The following HPSE2 variants were observed in gnomAD, a reference collection of about 807,000 sequenced individuals.
HPSE2 encodes heparanase 2 (inactive).
HPSE2 carries 38 observed loss-of-function variants against 60.5 expected under a neutral mutation model. The ratio of observed to expected loss-of-function variants is 0.63; its 90% CI spans 0.48 to 0.82. The LOEUF is 0.82. Among genes scored for constraint, HPSE2 ranks in the 40% least tolerant of loss-of-function variants. The pLI, the probability that HPSE2 is intolerant of heterozygous loss-of-function variation, is 0.00. For synonymous variants in HPSE2, 295 were observed against 293.2 expected (o/e 1.01, Z -0.06); for missense variants, 713 against 740.4 (o/e 0.96, Z 0.43).
At chr10:99,079,113 C>T (rs1843044699) in intron 3 of HPSE2, among the ~76,000 whole-genome samples, 1 of 152,100 alleles carries the variant, frequency 6.6e-6, no homozygotes, top group Non-Finnish European at 1.5e-5. Context: ...TGAGAGTGTG[C>T]TAGTTCAAAC....
chr10:98,609,839 C>CTTTTTTTT (rs34422929), intron 9 of HPSE2, among the ~76,000 whole-genome samples: 2 of 126,174 alleles, frequency 1.6e-5, no homozygotes, highest in Non-Finnish European at 3.3e-5. Flanking sequence ...TCTTCTTCTT[C>CTTTTTTTT]TTTTTTTTTT....
chr10:98,851,563 G>A (rs920603374), intron 3 of HPSE2, among the ~76,000 whole-genome samples: 6 of 152,094 alleles, frequency 3.9e-5, no homozygotes, highest in African/African-American at 1.4e-4. Context: ...CTTCTCTATA[G>A]TCCCTCCCTG....
intron 3 of HPSE2, among the ~76,000 whole-genome samples, chr10:99,042,411 G>A (rs1331619613): frequency 6.6e-6 from 1 of 152,018 alleles, no homozygotes; most frequent in Non-Finnish European, 1.5e-5. Flanking sequence ...CATTTCTCTG[G>A]GGTGGAGTTC....
intron 5 of HPSE2, among the ~76,000 whole-genome samples, chr10:98,696,812 T>C (rs1207999085): frequency 6.6e-6 from 1 of 152,096 alleles, no homozygotes; most frequent in Non-Finnish European, 1.5e-5. Context: ...CCGGCAGCCA[T>C]CTCTACAACT....
intron 3 of HPSE2, among the ~76,000 whole-genome samples, chr10:98,960,059 T>C (rs1955612066): frequency 6.6e-6 from 1 of 152,154 alleles, no homozygotes; most frequent in African/African-American, 2.4e-5. Context: ...CCATCAAACC[T>C]AAAATCTGGA....
intron 3 of HPSE2, among the ~76,000 whole-genome samples, chr10:99,112,597 C>A (rs372004423): frequency 6.6e-6 from 1 of 152,042 alleles, no homozygotes; most frequent in Non-Finnish European, 1.5e-5. Flanking sequence ...CCAAAAATGA[C>A]TATTTCAAAT....
At position 98,472,479 on chromosome 10, in the gene HPSE2, G is replaced by A. The variant is rs116051687; in HGVS notation, c.1613+10157C>T. Among the ~76,000 whole-genome samples the A allele has an allele frequency of 5.1e-3, 772 of 152,236 alleles. 6 individuals are homozygous for A. Among genetic ancestry groups the A allele is most frequent in the African/African-American group, 0.017 (721 of 41,530 alleles). On this transcript the variant is annotated intron_variant, in intron 11 of 11. Transcript: ENST00000370552. ...GCACCAGGGGGGCCTTTTGCTCCAG[G>A]TCAAAGATGTCTGATTCTAAGTCTT... is the stretch of plus-strand genomic sequence containing the variant.
At chr10:99,239,907 G>A (rs1220814025), upstream of HPSE2, among the ~76,000 whole-genome samples, 2 of 152,080 alleles carry the variant, frequency 1.3e-5, no homozygotes, top group East Asian at 1.9e-4. Flanking sequence ...GAAAAATCCC[G>A]GCCAGGTGCA....
At chr10:98,915,379 C>T (rs1443353021) in intron 3 of HPSE2, among the ~76,000 whole-genome samples, 3 of 152,000 alleles carry the variant, frequency 2.0e-5, no homozygotes, top group Non-Finnish European at 2.9e-5. Context: ...GATCTCCTGA[C>T]CTCCTGATCT....
intron 3 of HPSE2, among the ~76,000 whole-genome samples, chr10:99,029,830 G>A (rs1957459945): frequency 6.6e-6 from 1 of 152,174 alleles, no homozygotes; most frequent in African/African-American, 2.4e-5. Flanking sequence ...CCCTCCACAA[G>A]AGGTGGAGGA....
intron 3 of HPSE2, among the ~76,000 whole-genome samples, chr10:99,008,228 A>G (rs1185383323): frequency 6.6e-6 from 1 of 152,222 alleles, no homozygotes; most frequent in Non-Finnish European, 1.5e-5. Context: ...TAACTTCCCA[A>G]TAAAATCTGT....
At chr10:98,703,416 T>A (rs1948463622) in intron 5 of HPSE2, among the ~76,000 whole-genome samples, 1 of 152,116 alleles carries the variant, frequency 6.6e-6, no homozygotes, top group African/African-American at 2.4e-5. Flanking sequence ...GAGGGACTCC[T>A]CCCTAGCTCA....
intron 2 of HPSE2, among the ~76,000 whole-genome samples, chr10:99,146,996 T>A (rs997698885): frequency 6.6e-6 from 1 of 152,282 alleles, no homozygotes; most frequent in Non-Finnish European, 1.5e-5. Context: ...TATCTCTTAA[T>A]TTCTTGTCAT....
At chr10:99,225,973 A>C in intron 2 of HPSE2, among the ~76,000 whole-genome samples, 1 of 152,074 alleles carries the variant, frequency 6.6e-6, no homozygotes, top group South Asian at 2.1e-4. Context: ...TGCTTGGGAT[A>C]ATTTCTAATG....
At chr10:99,216,159 A>C (rs886404746) in intron 2 of HPSE2, among the ~76,000 whole-genome samples, 1 of 151,724 alleles carries the variant, frequency 6.6e-6, no homozygotes, top group Non-Finnish European at 1.5e-5. Flanking sequence ...AAGCTTTTAA[A>C]AATCTCGGCA....
the HPSE2 span, among the ~76,000 whole-genome samples, chr10:99,277,311 A>G: frequency 2.6e-5 from 4 of 152,272 alleles, no homozygotes. Flanking sequence ...TGTTTACACC[A>G]CTTTGAGAAA....
chr10:98,647,374 T>A (rs1946798802), intron 6 of HPSE2, among the ~76,000 whole-genome samples: 1 of 152,246 alleles, frequency 6.6e-6, no homozygotes, highest in Admixed American at 6.5e-5. Flanking sequence ...ACCTTTGCCC[T>A]TTATTATCTG....
intron 3 of HPSE2, among the ~76,000 whole-genome samples, chr10:98,832,559 G>C (rs9325491): frequency 6.6e-6 from 1 of 152,096 alleles, no homozygotes; most frequent in Non-Finnish European, 1.5e-5. Context: ...GTTCAGTTTG[G>C]AGGATTCTAA....
chr10:98,921,333 A>C (rs1410516480), intron 3 of HPSE2, among the ~76,000 whole-genome samples: 1 of 152,180 alleles, frequency 6.6e-6, no homozygotes, highest in Non-Finnish European at 1.5e-5. Context: ...TGAAGAAACC[A>C]GTGGCCATAT....
Sources: gnomAD v4.1 joint callset for allele counts (sites outside exome capture counted in the v4.1 genomes callset) on GRCh38, gnomAD v4.1.1 for gene constraint, MANE v1.5 for transcripts, NCBI Gene and HGNC (gene_info 2026-07-23, HGNC 2026-07-21) for gene names.